Variants in GALNT7 observed in about 807,000 individuals in gnomAD.
GALNT7 encodes N-acetylgalactosaminyltransferase 7.
Under a neutral mutation model 82.1 loss-of-function variants are expected in GALNT7, and 60 were observed. That is an observed-to-expected ratio of 0.73 (90% CI 0.59 to 0.91). The LOEUF (loss-of-function observed/expected upper bound fraction) is 0.91. GALNT7 is among the 40% of genes least tolerant of loss of function. GALNT7 has a pLI of 0.00. For synonymous variants in GALNT7, 243 were observed against 275.1 expected (o/e 0.88, Z 1.15); for missense variants, 660 against 804.2 (o/e 0.82, Z 2.17).
chr4:173,204,857 G>A (rs954270990), intron 1 of GALNT7, among the ~76,000 whole-genome samples: 7 of 152,116 alleles, frequency 4.6e-5, no homozygotes, highest in African/African-American at 1.7e-4. Context: ...GTGGTATTAT[G>A]TCTCTTTGTT....
At chr4:173,248,857 CTTG>C (rs1353144260) in intron 2 of GALNT7, among the ~76,000 whole-genome samples, 36 of 152,308 alleles carry the variant, frequency 2.4e-4, no homozygotes, top group Non-Finnish European at 8.8e-5. Flanking sequence ...AGTGCCTTAT[CTTG>C]TTGTGGAACA....
At chr4:173,229,827 C>G (rs545043541) in intron 1 of GALNT7, among the ~76,000 whole-genome samples, 1 of 152,092 alleles carries the variant, frequency 6.6e-6, no homozygotes, top group African/African-American at 2.4e-5. Flanking sequence ...GAAATACTTT[C>G]TCTGATAAAT....
intron 1 of GALNT7, among the ~76,000 whole-genome samples, chr4:173,170,342 T>C (rs1731819174): frequency 6.6e-6 from 1 of 152,254 alleles, no homozygotes. Context: ...TATTTAACTT[T>C]CCTTCTGGAA....
At chr4:173,261,390 GT>G (rs35509489) in intron 2 of GALNT7, among the ~76,000 whole-genome samples, 37 of 146,898 alleles carry the variant, frequency 2.5e-4, no homozygotes, top group East Asian at 5.9e-4. Flanking sequence ...GTTTTTTTTT[GT>G]TTTTTTTTTT....
In GALNT7 at chr4:173,248,059, T is replaced by G; in HGVS notation, c.206T>G (p.Val69Gly). 6.2e-7 allele frequency: 1 copy of G among 1,613,648 alleles called. No individual in the cohort carries two copies. Among genetic ancestry groups the G allele is most frequent in the African/African-American group, 1.3e-5 (1 of 75,008 alleles). Residue 69 changes from valine to glycine, a missense_variant, in exon 2 of 12, where the codon GTG becomes GGG. Val to Gly is a moderately radical substitution (Grantham distance 109). Transcript: ENST00000265000. The stretch of plus-strand genomic sequence containing the variant: ...CCTGGGGAGGACAGATTCAAACCTG[T>G]GGTACCATGGCCTCATGTTGAAGGA... ...LAPGEDRFKPVVPWPHVEGVE... is the reference protein window; with the variant it reads ...LAPGEDRFKPGVPWPHVEGVE...
chr4:173,177,540 C>A (rs1732088549), intron 1 of GALNT7, among the ~76,000 whole-genome samples: 1 of 152,080 alleles, frequency 6.6e-6, no homozygotes. Context: ...AAAATGCCTT[C>A]TTTTAGGCTC....
chr4:173,216,056 A>C (rs1442814158), intron 1 of GALNT7, among the ~76,000 whole-genome samples: 1 of 152,208 alleles, frequency 6.6e-6, no homozygotes, highest in Non-Finnish European at 1.5e-5. Context: ...CCTGAAAAGC[A>C]GATGTTGCAG....
At chr4:173,285,985 C>T (rs1736307532) in intron 2 of GALNT7, among the ~76,000 whole-genome samples, 1 of 151,758 alleles carries the variant, frequency 6.6e-6, no homozygotes, top group African/African-American at 2.4e-5. Context: ...TGATAAGACA[C>T]AGTGGAAAAA....
At chr4:173,205,627 A>G (rs752399524) in intron 1 of GALNT7, among the ~76,000 whole-genome samples, 15 of 152,004 alleles carry the variant, frequency 9.9e-5, no homozygotes, top group Non-Finnish European at 2.2e-4. Flanking sequence ...ACCCAGTCCA[A>G]TGACAGGTTA....
rs1330274203 is a variant in GALNT7 at position 173,322,632 on chromosome 4, T to C, written c.*915T>C. 2 of 152,302 alleles carry C rather than the reference T, an allele frequency of 1.3e-5. No homozygotes were observed. The highest frequency in any genetic ancestry group is 3.4e-3 in the Middle Eastern group (1 of 294). 9.4% of individuals were successfully genotyped at this position (152,302 alleles called of 1,614,324 possible). A position where few individuals can be genotyped will look rare whatever the true frequency, so the allele number is the denominator to read the frequency against. On this transcript the variant is annotated 3_prime_UTR_variant, in exon 12 of 12. Transcript: ENST00000265000. ...TACAGAAAACTATTATCAGTTGTTA[T>C]TGTTATCCCTTGAAAGCGAGGGTGA... is the stretch of plus-strand genomic sequence containing the variant.
chr4:173,227,599 G>A (rs565724203), intron 1 of GALNT7, among the ~76,000 whole-genome samples: 2 of 152,240 alleles, frequency 1.3e-5, no homozygotes, highest in South Asian at 4.1e-4. Context: ...CCAAAGTGTT[G>A]GGATTACAGG....
At chr4:173,265,083 G>A (rs941941086) in intron 2 of GALNT7, among the ~76,000 whole-genome samples, 5 of 152,218 alleles carry the variant, frequency 3.3e-5, no homozygotes, top group African/African-American at 1.2e-4. Flanking sequence ...GCCCATCCTG[G>A]CAAGGAGAGC....
At position 173,295,855 on chromosome 4, in the gene GALNT7, T is replaced by C. The variant is rs1193021988; in HGVS notation, c.965+12T>C. Reference sequence around the variant, plus strand: ...ATATCTAAGGACAGGTAACATTACCTTGCTTTTTTTCTTTCCTGGTTGAAA... The same window carrying C: ...ATATCTAAGGACAGGTAACATTACCCTGCTTTTTTTCTTTCCTGGTTGAAA... On this transcript the variant is annotated intron_variant, in intron 5 of 11. Transcript: ENST00000265000. The C allele has an allele frequency of 3.3e-6, 5 of 1,510,202 alleles. No homozygotes were observed. The highest frequency in any genetic ancestry group is 4.6e-6 in the Non-Finnish European group (5 of 1,085,552). 93.6% of individuals were successfully genotyped at this position (1,510,202 alleles called of 1,614,324 possible). A position where few individuals can be genotyped will look rare whatever the true frequency, so the allele number is the denominator to read the frequency against.
At chr4:173,262,834 GCATACA>G (rs1735330443) in intron 2 of GALNT7, among the ~76,000 whole-genome samples, 1 of 152,070 alleles carries the variant, frequency 6.6e-6, no homozygotes, top group South Asian at 2.1e-4. Context: ...TATTAAAAAG[GCATACA>G]CTCAAGGGAT....
intron 2 of GALNT7, among the ~76,000 whole-genome samples, chr4:173,252,281 G>T (rs1734874099): frequency 6.6e-6 from 1 of 152,154 alleles, no homozygotes; most frequent in Non-Finnish European, 1.5e-5. Context: ...TCAGAAGCTG[G>T]CTTGCTGTGG....
At chr4:173,305,278 C>T (rs553654570) in intron 8 of GALNT7, among the ~76,000 whole-genome samples, 1 of 152,216 alleles carries the variant, frequency 6.6e-6, no homozygotes, top group East Asian at 1.9e-4. Flanking sequence ...CCAATTTAAT[C>T]AGGTTGTTTC....
rs142614047 is a variant in GALNT7, at chr4:173,289,790, G to A, written c.588-2318G>A. On this transcript the variant is annotated intron_variant, in intron 2 of 11. Coordinates refer to ENST00000265000, the MANE Select transcript of GALNT7 (RefSeq NM_017423.3). ...CTGGACCATGTCTGCTTATCTGTGT[G>A]TAGGTGTAGCCTGAGTTTTTTTTTT... Among the ~76,000 whole-genome samples the A allele has an allele frequency of 5.9e-5, 9 of 152,214 alleles. No homozygotes were observed. In the East Asian group the frequency reaches 1.7e-3, roughly 29 times the overall value.
chr4:173,249,566 T>G (rs2126741749), intron 2 of GALNT7, among the ~76,000 whole-genome samples: 1 of 152,290 alleles, frequency 6.6e-6, no homozygotes, highest in East Asian at 1.9e-4. Flanking sequence ...AGGAAGAATC[T>G]TAGAGTAATT....
At chr4:173,171,244 A>T (rs111372488) in intron 1 of GALNT7, among the ~76,000 whole-genome samples, 2 of 152,336 alleles carry the variant, frequency 1.3e-5, no homozygotes, top group African/African-American at 4.8e-5. Flanking sequence ...ACAGTGCTAG[A>T]AGGACAAATC....
Sources: allele counts gnomAD v4.1 joint callset (sites outside exome capture counted in the v4.1 genomes callset), GRCh38; gene constraint gnomAD v4.1.1; transcripts MANE v1.5; gene names NCBI Gene and HGNC (gene_info 2026-07-23, HGNC 2026-07-21).